Variants in ATG4D observed in about 807,000 individuals in gnomAD.
ATG4D encodes the protein cysteine protease ATG4D.
In ATG4D, 51 loss-of-function variants were observed where a neutral mutation model predicts 55.2. The ratio of observed to expected loss-of-function variants is 0.92; its 90% CI spans 0.74 to 1.17. ATG4D has a LOEUF of 1.17. ATG4D is among the 50% of genes most tolerant of loss of function. ATG4D has a pLI of 0.00. For synonymous variants in ATG4D, 268 were observed against 266.2 expected (o/e 1.01, Z -0.07); for missense variants, 635 against 649.6 (o/e 0.98, Z 0.25).
chr19:10,553,055 T>A lies in ATG4D; in HGVS notation c.1413T>A (p.Phe471Leu), dbSNP rs778658625. The change falls in exon 10 of 10, where the codon TTT (phenylalanine) becomes TTA (leucine). Residue 471 changes from phenylalanine to leucine, a missense_variant. By Grantham distance (22) the Phe-to-Leu change is conservative. Transcript: ENST00000309469. ...CCAAACGCCCCAGCTCTGAGGACTT[T>A]GTGTTTTTATAAAGGGAGGGGATGA... is the stretch of plus-strand genomic sequence containing the variant. ...LRAKRPSSEDFVFL is the reference protein window; with the variant it reads ...LRAKRPSSEDLVFL 6 of 1,600,128 alleles carry A rather than the reference T, an allele frequency of 3.7e-6. No individual in the cohort carries two copies. The highest frequency in any genetic ancestry group is 3.4e-5 in the Admixed American group (2 of 58,212).
chr19:10,543,940 A>AGCG lies in ATG4D; in HGVS notation c.-142_-140dup, dbSNP rs1915940183. On this transcript the variant is annotated 5_prime_UTR_variant, in exon 1 of 10. Coordinates refer to ENST00000309469, the MANE Select transcript of ATG4D (RefSeq NM_032885.6). ...CTAAGATGGCGATGGCTGCGGTAGC[A>AGCG]GCGGCGGCGGCTGTTGCCTGGCCCG... is the stretch of plus-strand genomic sequence containing the variant. 1 of 442,524 alleles carries AGCG rather than the reference A, an allele frequency of 2.3e-6. No homozygotes were observed. The allele number at this position is 442,524 out of a possible 1,614,324, so 27.4% of individuals were successfully genotyped here. A position where few individuals can be genotyped will look rare whatever the true frequency, so the allele number is the denominator to read the frequency against.
rs755573632 is a variant in ATG4D, at chr19:10,553,102, TA to T, written c.*36del. The T allele has an allele frequency of 1.7e-5, 27 of 1,549,442 alleles. No homozygotes were observed. The highest frequency in any genetic ancestry group is 2.1e-5 in the Non-Finnish European group (24 of 1,148,974). Reference sequence around the variant, plus strand: ...ATGAGGGGAAAGATACAACACTATTTATTTTTTTATTTATGTCATGTCGGGT... The same window carrying T: ...ATGAGGGGAAAGATACAACACTATTTTTTTTTTATTTATGTCATGTCGGGT... On this transcript the variant is annotated 3_prime_UTR_variant, in exon 10 of 10. Coordinates refer to ENST00000309469, the MANE Select transcript of ATG4D (RefSeq NM_032885.6).
chr19:10,548,842 A>C, intron 5 of ATG4D, 62 bp from the exon 6 acceptor site: 1 of 1,580,924 alleles, frequency 6.3e-7, no homozygotes, highest in Non-Finnish European at 8.6e-7. Context: ...CTGGGGTTAG[A>C]GGGCTACGCT....
In ATG4D at chr19:10,547,031, T is replaced by C. The variant is rs1916057844; in HGVS notation, c.686T>C (p.Leu229Pro). 4 of 1,587,626 alleles carry C rather than the reference T, an allele frequency of 2.5e-6. No homozygotes were observed. Among genetic ancestry groups the C allele is most frequent in the Non-Finnish European group, 3.4e-6 (4 of 1,167,702 alleles). Residue 229 changes from leucine to proline, a missense_variant, in exon 4 of 10, where the codon CTA becomes CCA. By Grantham distance (98) the Leu-to-Pro change is moderately conservative. Transcript: ENST00000309469. ...GACCACCCCCGGGCCCCCTTTGGCCTACACCGGCTGGTGGAGCTTGGGCAG... is the reference window on the plus strand; with the variant it reads ...GACCACCCCCGGGCCCCCTTTGGCCCACACCGGCTGGTGGAGCTTGGGCAG... The part of the protein sequence containing the change: ...FADHPRAPFG[L>P]HRLVELGQSS...
Position 10,550,169 on chromosome 19 carries a change from G to A in ATG4D, c.966+1135G>A, listed in dbSNP as rs551408793. 9.9e-5 allele frequency among the ~76,000 whole-genome samples: 15 copies of A among 152,124 alleles called. No homozygotes were observed. The East Asian group carries it at 1.7e-3, about 18-fold the overall frequency. On this transcript the variant is annotated intron_variant, in intron 6 of 9. Coordinates refer to ENST00000309469, the MANE Select transcript of ATG4D (RefSeq NM_032885.6). ...ATTACAGGTGTATGCCACCACGCCC[G>A]GCTAATTTTTGTATTTTTAGCAGAG...
chr19:10,552,104 G>A lies in ATG4D; in HGVS notation c.1105G>A (p.Ala369Thr), dbSNP rs761538562. The A allele has an allele frequency of 1.2e-5, 20 of 1,611,596 alleles. No homozygotes were observed. The highest frequency in any genetic ancestry group is 1.7e-5 in the Admixed American group (1 of 59,990). Residue 369 changes from alanine (A) to threonine (T), a missense_variant, in exon 8 of 10, where the codon GCC becomes ACC. Physicochemically the swap from Ala to Thr is moderately conservative, Grantham distance 58. Transcript: ENST00000309469. ...CCAGCCCACTGTGGATGTCAGCCAG[G>A]CCGACTTCCCCCTGGAGGTGAGTGG... is the stretch of plus-strand genomic sequence containing the variant. ...YCQPTVDVSQ[A>T]DFPLESFHCT...
At position 10,552,267 on chromosome 19, in the gene ATG4D, G is replaced by A; in HGVS notation, c.1185G>A (p.Val395=). 1.2e-6 allele frequency: 2 copies of A among 1,613,642 alleles called. No homozygotes were observed. The highest frequency in any genetic ancestry group is 1.3e-5 in the African/African-American group (1 of 75,012). ...CCAAGATGGACCCAAGCTGTACCGT[G>A]GGCTTCTATGCTGGAGACAGGAAGG... ...AFAKMDPSCT[V]GFYAGDRKEF... is the part of the protein sequence containing the mutation. The change falls in exon 9 of 10, where the codon GTG becomes GTA. Residue 395 remains valine (V), a synonymous_variant. Coordinates refer to ENST00000309469, the MANE Select transcript of ATG4D (RefSeq NM_032885.6).
rs1013101113 is a variant in ATG4D at position 10,553,097 on chromosome 19, C to CTAT, written c.*32_*34dup. The CTAT allele has an allele frequency of 6.4e-7, 1 of 1,561,108 alleles. No individual in the cohort carries two copies. Among genetic ancestry groups the CTAT allele is most frequent in the African/African-American group, 1.4e-5 (1 of 73,340 alleles). On this transcript the variant is annotated 3_prime_UTR_variant, in exon 10 of 10. Coordinates refer to ENST00000309469, the MANE Select transcript of ATG4D (RefSeq NM_032885.6). Reference sequence around the variant, plus strand: ...AGGGGATGAGGGGAAAGATACAACACTATTTATTTTTTTATTTATGTCATG... The same window carrying CTAT: ...AGGGGATGAGGGGAAAGATACAACACTATTATTTATTTTTTTATTTATGTCATG...
In ATG4D at chr19:10,547,266, G is replaced by A; in HGVS notation, c.835+13G>A. Reference sequence around the variant, plus strand: ...CAGGACTGCACAGGTAAGGGGCTGGGAGCCAAGATCACAGGGGCCCCACCC... The same window carrying A: ...CAGGACTGCACAGGTAAGGGGCTGGAAGCCAAGATCACAGGGGCCCCACCC... On this transcript the variant is annotated intron_variant, in intron 5 of 9. Transcript: ENST00000309469. 2.5e-6 allele frequency: 4 copies of A among 1,610,474 alleles called. No homozygotes were observed. Among genetic ancestry groups the A allele is most frequent in the Non-Finnish European group, 3.4e-6 (4 of 1,177,404 alleles).
intron 1 of ATG4D, 96 bp from the exon 2 acceptor site, chr19:10,544,687 T>C: frequency 6.3e-7 from 1 of 1,575,492 alleles, no homozygotes; most frequent in Non-Finnish European, 8.6e-7. Context: ...AGATAGGAAC[T>C]AGGATCGTGC....
Position 10,544,241 on chromosome 19 carries a change from T to C in ATG4D, c.151T>C (p.Ser51Pro). The C allele has an allele frequency of 7.9e-7, 1 of 1,258,952 alleles. No homozygotes were observed. The highest frequency in any genetic ancestry group is 3.6e-5 in the South Asian group (1 of 27,578). 78.0% of individuals were successfully genotyped at this position (1,258,952 alleles called of 1,614,324 possible). Residue 51 changes from serine (S) to proline (P), a missense_variant, in exon 1 of 10, where the codon TCT becomes CCT. Ser to Pro is a moderately conservative substitution (Grantham distance 74, BLOSUM62 -1). Transcript: ENST00000309469. ...PSGASGPALG[S>P]PGAGPSEPDE... ...CGGAGCCAGCGGCCCCGCTCTTGGCTCTCCCGGGGCTGGCCCGAGTGAGCC... is the reference window on the plus strand; with the variant it reads ...CGGAGCCAGCGGCCCCGCTCTTGGCCCTCCCGGGGCTGGCCCGAGTGAGCC...
chr19:10,549,319 C>T (rs1311617505), intron 6 of ATG4D, among the ~76,000 whole-genome samples: 1 of 152,150 alleles, frequency 6.6e-6, no homozygotes, highest in Non-Finnish European at 1.5e-5. Context: ...GACAGGGTTT[C>T]ACCATTTTGG....
Position 10,544,252 on chromosome 19 carries a change from T to TG in ATG4D, c.164dup (p.Ser57GlufsTer2). The TG allele has an allele frequency of 7.9e-7, 1 of 1,265,208 alleles. No homozygotes were observed. The highest frequency in any genetic ancestry group is 1.0e-6 in the Non-Finnish European group (1 of 997,108). The allele number at this position is 1,265,208 out of a possible 1,614,324, so 78.4% of individuals were successfully genotyped here. On this transcript the variant is annotated frameshift_variant, in exon 1 of 10. Coordinates refer to ENST00000309469, the MANE Select transcript of ATG4D (RefSeq NM_032885.6). LOFTEE classifies it high-confidence loss of function. ...GCCCCGCTCTTGGCTCTCCCGGGGC[T>TG]GGCCCGAGTGAGCCGGACGAAGTGG...
Position 10,553,283 on chromosome 19 carries a change from A to G in ATG4D, c.*216A>G, listed in dbSNP as rs1044308071. On this transcript the variant is annotated 3_prime_UTR_variant, in exon 10 of 10. Transcript: ENST00000309469. ...GCGGGGCCCTCCTGGCAGGGTAGGG[A>G]AGGAGGACCCCGGGCACCCCCCTCA... 1.2e-5 allele frequency: 7 copies of G among 591,772 alleles called. No individual in the cohort carries two copies. Among genetic ancestry groups the G allele is most frequent in the African/African-American group, 9.2e-5 (5 of 54,072 alleles). The allele number at this position is 591,772 out of a possible 1,614,324, so 36.7% of individuals were successfully genotyped here. A position where few individuals can be genotyped will look rare whatever the true frequency, so the allele number is the denominator to read the frequency against.
At chr19:10,550,708 C>CTTTTTTTTTTT (rs34184188) in intron 6 of ATG4D, among the ~76,000 whole-genome samples, 1 of 100,074 alleles carries the variant, frequency 1.0e-5, no homozygotes, top group Non-Finnish European at 2.0e-5. Flanking sequence ...ATGCATGTGG[C>CTTTTTTTTTTT]TTTTTTTTTT....
Position 10,552,938 on chromosome 19 carries a change from G to T in ATG4D, c.1296G>T (p.Glu432Asp), listed in dbSNP as rs148727589. The change falls in exon 10 of 10, where the codon GAG becomes GAT. Residue 432 changes from glutamate (E) to aspartate (D), a missense_variant. Physicochemically the swap from Glu to Asp is conservative, Grantham distance 45. Coordinates refer to ENST00000309469, the MANE Select transcript of ATG4D (RefSeq NM_032885.6). ...TERYPMFTLA[E>D]GHAQDHSLDD... ...GGTACCCCATGTTCACCCTGGCCGA[G>T]GGCCATGCTCAGGACCACAGCCTGG... The T allele has an allele frequency of 5.0e-6, 8 of 1,613,542 alleles. No homozygotes were observed. The highest frequency in any genetic ancestry group is 6.8e-6 in the Non-Finnish European group (8 of 1,179,960).
Position 10,550,775 on chromosome 19 carries a change from G to A in ATG4D, c.967-1122G>A, listed in dbSNP as rs1330480452. 9.2e-5 allele frequency among the ~76,000 whole-genome samples: 13 copies of A among 140,654 alleles called. No individual in the cohort carries two copies. The East Asian group carries it at 2.8e-3, about 30-fold the overall frequency. 92.3% of individuals were successfully genotyped at this position (140,654 alleles called of 152,430 possible). A position where few individuals can be genotyped will look rare whatever the true frequency, so the allele number is the denominator to read the frequency against. On this transcript the variant is annotated intron_variant, in intron 6 of 9. Transcript: ENST00000309469. Reference sequence around the variant, plus strand: ...CACTCAGGCTGGAGTGCAGTGGCATGATCTCAGCTCACTGCAAGCTCCACC... The same window carrying A: ...CACTCAGGCTGGAGTGCAGTGGCATAATCTCAGCTCACTGCAAGCTCCACC...
chr19:10,551,556 C>T (rs906494176), intron 6 of ATG4D, among the ~76,000 whole-genome samples: 2 of 142,106 alleles, frequency 1.4e-5, no homozygotes, highest in East Asian at 2.1e-4. Context: ...AAAATTAACC[C>T]GGGTGTGGTG....
chr19:10,549,186 T>G (rs984355198), intron 6 of ATG4D, 152 bp downstream of exon 6: 41 of 1,103,426 alleles, frequency 3.7e-5, no homozygotes, highest in Non-Finnish European at 5.1e-5. Context: ...GTCAATAACG[T>G]GATCTCGGCT....
Sources: gnomAD v4.1 joint callset for allele counts (sites outside exome capture counted in the v4.1 genomes callset) on GRCh38, gnomAD v4.1.1 for gene constraint, MANE v1.5 for transcripts, NCBI Gene and HGNC (gene_info 2026-07-23, HGNC 2026-07-21) for gene names.